The following CADPS2 variants were observed in gnomAD, a reference collection of about 807,000 sequenced individuals.
The protein encoded by CADPS2 is calcium dependent secretion activator 2, also known as calcium-dependent secretion activator 2.
Under a neutral mutation model 172.5 loss-of-function variants are expected in CADPS2, and 93 were observed. The observed-to-expected ratio is 0.54, with a 90% CI of 0.46 to 0.64. The LOEUF is 0.64. Ranked by LOEUF, CADPS2 falls within the 30% of genes least tolerant of loss-of-function variation. CADPS2 has a pLI of 0.00. For missense variants in CADPS2, 1,420 were observed against 1,565.9 expected (o/e 0.91, Z 1.57); for synonymous variants, 546 against 555.2 (o/e 0.98, Z 0.23).
chr7:122,510,027 CA>C (rs1264586584), intron 9 of CADPS2, among the ~76,000 whole-genome samples: 1 of 151,940 alleles, frequency 6.6e-6, no homozygotes, highest in African/African-American at 2.4e-5. Context: ...TTCATTTGTT[CA>C]AATCTCAAAT....
At chr7:122,619,959 T>C (rs543601590) in intron 5 of CADPS2, among the ~76,000 whole-genome samples, 1 of 152,274 alleles carries the variant, frequency 6.6e-6, no homozygotes, top group Admixed American at 6.5e-5. Context: ...TTTAATCCAT[T>C]AACCTACAAA....
At chr7:122,452,503 C>A (rs1360253454) in intron 14 of CADPS2, among the ~76,000 whole-genome samples, 1 of 152,200 alleles carries the variant, frequency 6.6e-6, no homozygotes, top group African/African-American at 2.4e-5. Flanking sequence ...TCAAGCAATT[C>A]TCCTGCCTCA....
At chr7:122,442,252 C>G (rs2051451536) in intron 15 of CADPS2, among the ~76,000 whole-genome samples, 2 of 152,196 alleles carry the variant, frequency 1.3e-5, no homozygotes, top group South Asian at 4.1e-4. Flanking sequence ...CTGATGGTAA[C>G]AGGTTTATTG....
chr7:122,345,735 A>C (rs1416642681), intron 27 of CADPS2, 54 bp from the exon 28 acceptor site: 3 of 1,120,266 alleles, frequency 2.7e-6, no homozygotes, highest in Non-Finnish European at 2.7e-6. Context: ...TCAATTGTGA[A>C]ATTATTATTT....
chr7:122,820,548 TG>T lies in CADPS2; in HGVS notation c.339+65450del, dbSNP rs1802880471. Among the ~76,000 whole-genome samples, 39 of 114,144 alleles carry T rather than the reference TG, an allele frequency of 3.4e-4. 1 individual carries two copies. The highest frequency in any genetic ancestry group is 1.3e-3 in the African/African-American group (35 of 26,578). The allele number at this position is 114,144 out of a possible 152,430, so 74.9% of individuals were successfully genotyped here. A position where few individuals can be genotyped will look rare whatever the true frequency, so the allele number is the denominator to read the frequency against. ...CAAACAACTTGACCTTACTGTTTTT[TG>T]TTTTTTGTTTTTTTTTTTTTTTTTT... is the stretch of plus-strand genomic sequence containing the variant. On this transcript the variant is annotated intron_variant, in intron 1 of 29. Transcript: ENST00000449022.
At chr7:122,710,049 TAAA>T (rs34082235) in intron 2 of CADPS2, among the ~76,000 whole-genome samples, 145 of 93,518 alleles carry the variant, frequency 1.6e-3, no homozygotes, top group African/African-American at 4.9e-3. Context: ...TAAAGTATAA[TAAA>T]AAAAAAAAAA....
rs1480383661 is a variant in CADPS2, at chr7:122,471,379, T to C, written c.2182A>G (p.Asn728Asp). 6.2e-7 allele frequency: 1 copy of C among 1,610,060 alleles called. No homozygotes were observed. Among genetic ancestry groups the C allele is most frequent in the South Asian group, 1.1e-5 (1 of 90,486 alleles). The change falls in exon 14 of 30, where the codon AAC becomes GAC. Residue 728 changes from asparagine (N) to aspartate (D), a missense_variant. Coordinates refer to ENST00000449022, the MANE Select transcript of CADPS2 (RefSeq NM_017954.11). Reference protein sequence around the residue: ...FAFCASHVHGNRPDGIGTVSV... With the variant: ...FAFCASHVHGDRPDGIGTVSV... ...TGTATTTGCAAGTAAAAATACCTGT[T>C]GCCGTGCACATGAGAGGCACAGAAT...
intron 9 of CADPS2, among the ~76,000 whole-genome samples, chr7:122,497,873 C>A (rs2058869913): frequency 6.6e-6 from 1 of 152,160 alleles, no homozygotes. Context: ...GCAATCCTAT[C>A]AGTAATTTTG....
chr7:122,596,680 T>A (rs936235151), intron 6 of CADPS2, among the ~76,000 whole-genome samples: 1 of 152,086 alleles, frequency 6.6e-6, no homozygotes, highest in Non-Finnish European at 1.5e-5. Context: ...GCTCTGGACA[T>A]AAAAGGCACA....
chr7:122,621,333 C>A, intron 5 of CADPS2, 148 bp downstream of exon 5: 7 of 592,464 alleles, frequency 1.2e-5, no homozygotes, highest in Non-Finnish European at 2.1e-5. Context: ...CATATATAAG[C>A]TGAGTGTCCA....
chr7:122,613,929 C>T (rs1396646393), intron 6 of CADPS2, among the ~76,000 whole-genome samples: 2 of 151,974 alleles, frequency 1.3e-5, no homozygotes, highest in Non-Finnish European at 2.9e-5. Context: ...GTAATTAACA[C>T]AGTCCCAAAA....
chr7:122,389,261 G>A (rs1286622042), intron 22 of CADPS2, among the ~76,000 whole-genome samples: 2 of 151,874 alleles, frequency 1.3e-5, no homozygotes, highest in Non-Finnish European at 2.9e-5. Context: ...GAAATAAAAC[G>A]GGCTAGGTAG....
rs1236416385 is a variant in CADPS2 at position 122,608,345 on chromosome 7, T to C, written c.1223+6836A>G. ...TAATTCTGACATTACTGAATTAAAA[T>C]GGAAACTAATATGCTTTTAAAAAGC... is the stretch of plus-strand genomic sequence containing the variant. On this transcript the variant is annotated intron_variant, in intron 6 of 29. Coordinates refer to ENST00000449022, the MANE Select transcript of CADPS2 (RefSeq NM_017954.11). Among the ~76,000 whole-genome samples the C allele has an allele frequency of 2.0e-5, 3 of 152,178 alleles. No homozygotes were observed. In the East Asian group the frequency reaches 5.8e-4, roughly 29 times the overall value.
chr7:122,378,036 T>C (rs1439457122), intron 25 of CADPS2, among the ~76,000 whole-genome samples: 1 of 152,180 alleles, frequency 6.6e-6, no homozygotes. Flanking sequence ...TCCTATAAGA[T>C]GCAAATTCAG....
At chr7:122,636,091 A>G (rs2077040888) in intron 3 of CADPS2, among the ~76,000 whole-genome samples, 1 of 152,104 alleles carries the variant, frequency 6.6e-6, no homozygotes, top group Non-Finnish European at 1.5e-5. Context: ...TTTTGAGACC[A>G]TTTACATTCA....
At position 122,886,438 on chromosome 7, in the gene CADPS2, G is replaced by A. The variant is rs1259602798; in HGVS notation, c.-101C>T. 11 of 1,392,442 alleles carry A rather than the reference G, an allele frequency of 7.9e-6. No individual in the cohort carries two copies. In the African/African-American group the frequency reaches 9.2e-5, roughly 12 times the overall value. The allele number at this position is 1,392,442 out of a possible 1,614,324, so 86.3% of individuals were successfully genotyped here. ...AGGGAGCCGCGGGGCTGGCTGCAGC[G>A]GCCGCAGAACGAAAGGAAAACTGGC... On this transcript the variant is annotated 5_prime_UTR_variant, in exon 1 of 30. Transcript: ENST00000449022.
intron 17 of CADPS2, among the ~76,000 whole-genome samples, chr7:122,429,755 C>T (rs1226186982): frequency 6.6e-6 from 1 of 152,112 alleles, no homozygotes; most frequent in Non-Finnish European, 1.5e-5. Flanking sequence ...ACACACAATA[C>T]TCAAAATTCA....
chr7:122,325,966 A>G (rs1392833827), intron 28 of CADPS2, among the ~76,000 whole-genome samples: 2 of 152,100 alleles, frequency 1.3e-5, no homozygotes, highest in African/African-American at 4.8e-5. Flanking sequence ...ATTATTTTCA[A>G]AGGAAAATTT....
intron 3 of CADPS2, among the ~76,000 whole-genome samples, chr7:122,650,165 C>G (rs1019042239): frequency 5.9e-5 from 9 of 151,656 alleles, no homozygotes; most frequent in Non-Finnish European, 1.0e-4. Context: ...CCACCTCAGG[C>G]TCCCAAAGTG....
Sources: gnomAD v4.1 joint callset for allele counts (sites outside exome capture counted in the v4.1 genomes callset) on GRCh38, gnomAD v4.1.1 for gene constraint, MANE v1.5 for transcripts, NCBI Gene and HGNC (gene_info 2026-07-23, HGNC 2026-07-21) for gene names.